Variants in SLC2A13 observed in about 807,000 individuals in gnomAD.
The protein encoded by SLC2A13 is solute carrier family 2 member 13.
A neutral mutation model predicts 64.4 loss-of-function variants in SLC2A13; 32 were observed. The observed-to-expected ratio is 0.50, with a 90% CI of 0.37 to 0.67. The LOEUF is 0.67. Ranked by LOEUF, SLC2A13 falls within the 30% of genes least tolerant of loss-of-function variation. SLC2A13 has a pLI of 0.00. For synonymous variants in SLC2A13, 338 were observed against 327.1 expected, an observed-to-expected ratio of 1.03 and a Z score of -0.36; for missense variants, 743 against 829.2, an observed-to-expected ratio of 0.90 and a Z score of 1.28.
Position 39,830,200 on chromosome 12 carries a change from C to G in SLC2A13, c.1348G>C (p.Asp450His). Residue 450 changes from aspartate to histidine, a missense_variant, in exon 7 of 10, where the codon GAC becomes CAC. Coordinates refer to ENST00000280871, the MANE Select transcript of SLC2A13 (RefSeq NM_052885.4). The stretch of plus-strand genomic sequence containing the variant: ...TTCATCTTGTAGCAGAAACCGCAGT[C>G]TGGATCCAACATACATTCATTACAG... Reference protein sequence around the residue: ...SYCNECMLDPDCGFCYKMNKS... With the variant: ...SYCNECMLDPHCGFCYKMNKS... The G allele has an allele frequency of 6.2e-7, 1 of 1,613,586 alleles. No individual in the cohort carries two copies. The highest frequency in any genetic ancestry group is 1.1e-5 in the South Asian group (1 of 91,038).
At chr12:39,972,015 T>TATATATA (rs1491210436) in intron 3 of SLC2A13, among the ~76,000 whole-genome samples, 994 of 80,848 alleles carry the variant, frequency 0.012, 34 homozygotes, top group Middle Eastern at 0.016. Context: ...TATATATATA[T>TATATATA]TTTTTTTTAT....
At chr12:40,059,468 C>G (rs1411205154) in intron 1 of SLC2A13, among the ~76,000 whole-genome samples, 1 of 152,182 alleles carries the variant, frequency 6.6e-6, no homozygotes, top group East Asian at 1.9e-4. Context: ...TGCTGGTGTT[C>G]CCAAACTCCC....
At chr12:39,888,639 A>G (rs1389398593) in intron 4 of SLC2A13, among the ~76,000 whole-genome samples, 1 of 152,272 alleles carries the variant, frequency 6.6e-6, no homozygotes, top group African/African-American at 2.4e-5. Flanking sequence ...CAGAATTGCA[A>G]GAGAGCACAG....
intron 4 of SLC2A13, among the ~76,000 whole-genome samples, chr12:39,930,577 C>T (rs913276636): frequency 1.3e-5 from 2 of 151,868 alleles, no homozygotes; most frequent in Non-Finnish European, 2.9e-5. Context: ...GTTGTTAATA[C>T]TGAAAGAAAA....
chr12:39,980,702 T>TA (rs1283441304), intron 3 of SLC2A13, among the ~76,000 whole-genome samples: 2 of 151,792 alleles, frequency 1.3e-5, no homozygotes, highest in Non-Finnish European at 2.9e-5. Context: ...CAAAGAGACT[T>TA]AGACTCCCAC....
chr12:40,084,408 T>C (rs887360619), intron 1 of SLC2A13, among the ~76,000 whole-genome samples: 1 of 152,228 alleles, frequency 6.6e-6, no homozygotes, highest in Non-Finnish European at 1.5e-5. Flanking sequence ...TTTCAAAGAC[T>C]GCACTCTTCA....
chr12:39,928,227 A>C (rs1417697713), intron 4 of SLC2A13, among the ~76,000 whole-genome samples: 2 of 152,202 alleles, frequency 1.3e-5, no homozygotes, highest in Non-Finnish European at 2.9e-5. Flanking sequence ...TTCAAACAGC[A>C]CTAATATAAG....
chr12:39,821,140 G>A (rs1566828862), intron 7 of SLC2A13, among the ~76,000 whole-genome samples: 1 of 151,740 alleles, frequency 6.6e-6, no homozygotes, highest in South Asian at 2.1e-4. Context: ...AAAATTTTTC[G>A]CAGTGGCTCA....
At chr12:40,079,414 G>A (rs906022430) in intron 1 of SLC2A13, among the ~76,000 whole-genome samples, 2 of 152,176 alleles carry the variant, frequency 1.3e-5, no homozygotes, top group Non-Finnish European at 2.9e-5. Context: ...TAATTGTACA[G>A]TTTGGGGGAT....
chr12:39,956,145 C>T (rs1244026284), intron 3 of SLC2A13, among the ~76,000 whole-genome samples: 1 of 152,150 alleles, frequency 6.6e-6, no homozygotes, highest in African/African-American at 2.4e-5. Context: ...GACAAATTCC[C>T]TAAAAGATAC....
intron 3 of SLC2A13, among the ~76,000 whole-genome samples, chr12:39,959,626 T>C (rs909615639): frequency 2.6e-5 from 4 of 152,242 alleles, no homozygotes; most frequent in African/African-American, 7.2e-5. Flanking sequence ...GTCAAAAGTA[T>C]CTACATAAAT....
intron 4 of SLC2A13, among the ~76,000 whole-genome samples, chr12:39,898,696 A>G (rs1944995355): frequency 6.6e-6 from 1 of 152,268 alleles, no homozygotes; most frequent in East Asian, 1.9e-4. Flanking sequence ...GCAGATTGCA[A>G]TCTCCCATTT....
chr12:39,822,407 T>C (rs1942548106), intron 7 of SLC2A13, among the ~76,000 whole-genome samples: 1 of 152,178 alleles, frequency 6.6e-6, no homozygotes, highest in South Asian at 2.1e-4. Context: ...AAAAAACAAA[T>C]TAAAATATCT....
At chr12:39,988,649 GAAAA>G (rs1274629843) in intron 3 of SLC2A13, among the ~76,000 whole-genome samples, 2 of 119,720 alleles carry the variant, frequency 1.7e-5, no homozygotes, top group African/African-American at 3.0e-5. Flanking sequence ...AGGAGAGGGA[GAAAA>G]GGAAGGAGGG....
intron 7 of SLC2A13, among the ~76,000 whole-genome samples, chr12:39,782,253 G>A (rs1941014364): frequency 6.6e-6 from 1 of 152,172 alleles, no homozygotes; most frequent in African/African-American, 2.4e-5. Context: ...GTTTGGCTGT[G>A]TCCCCACTCA....
chr12:39,857,860 C>T (rs1442122088), intron 6 of SLC2A13, among the ~76,000 whole-genome samples: 3 of 152,290 alleles, frequency 2.0e-5, no homozygotes, highest in East Asian at 3.9e-4. Flanking sequence ...CCCTGATATT[C>T]CCTCTCCCTG....
chr12:39,777,381 G>T (rs1940813594), intron 7 of SLC2A13, among the ~76,000 whole-genome samples: 1 of 151,916 alleles, frequency 6.6e-6, no homozygotes, highest in Non-Finnish European at 1.5e-5. Context: ...TAAAATTATA[G>T]AAATCTACAG....
chr12:39,986,260 G>A (rs1361170016), intron 3 of SLC2A13, among the ~76,000 whole-genome samples: 1 of 152,066 alleles, frequency 6.6e-6, no homozygotes, highest in African/African-American at 2.4e-5. Context: ...ATGAATTGGG[G>A]TGGGGAGTAG....
intron 1 of SLC2A13, among the ~76,000 whole-genome samples, chr12:40,073,849 T>C (rs1938059689): frequency 6.6e-6 from 1 of 152,130 alleles, no homozygotes; most frequent in East Asian, 1.9e-4. Context: ...AAAAATGACA[T>C]GCCTTCACAT....
Sources: allele counts gnomAD v4.1 joint callset (sites outside exome capture counted in the v4.1 genomes callset), GRCh38; gene constraint gnomAD v4.1.1; transcripts MANE v1.5; gene names NCBI Gene and HGNC (gene_info 2026-07-23, HGNC 2026-07-21).